The following DYNC1LI2 variants were observed in gnomAD, a reference collection of about 807,000 sequenced individuals.
DYNC1LI2 encodes cytoplasmic dynein 1 light intermediate chain 2.
Under a neutral mutation model 57.8 loss-of-function variants are expected in DYNC1LI2, and 19 were observed. The ratio of observed to expected loss-of-function variants is 0.33; its 90% CI spans 0.23 to 0.48. The LOEUF (loss-of-function observed/expected upper bound fraction) is 0.48, where lower values mean the gene tolerates loss of function less well. Among genes scored for constraint, DYNC1LI2 ranks in the 20% least tolerant of loss-of-function variants. DYNC1LI2 has a pLI of 0.99. For missense variants in DYNC1LI2, 470 were observed against 604.2 expected, an observed-to-expected ratio of 0.78 and a Z score of 2.33; for synonymous variants, 256 against 233.4, an observed-to-expected ratio of 1.10 and a Z score of -0.88.
intron 3 of DYNC1LI2, among the ~76,000 whole-genome samples, chr16:66,748,564 CTT>C (rs757745959): frequency 1.5e-5 from 2 of 132,938 alleles, no homozygotes; most frequent in East Asian, 3.2e-4. Flanking sequence ...ATGGGCATTT[CTT>C]TCATTCTTTC....
At chr16:66,743,047 G>A (rs1009734616) in intron 3 of DYNC1LI2, among the ~76,000 whole-genome samples, 3 of 151,540 alleles carry the variant, frequency 2.0e-5, no homozygotes, top group Non-Finnish European at 4.4e-5. Flanking sequence ...CTGTAATCCC[G>A]GCTACTTAGG....
rs778487216 is a variant in DYNC1LI2, at chr16:66,727,760, G to A, written c.1189C>T (p.Arg397Trp). The A allele has an allele frequency of 1.4e-5, 22 of 1,613,880 alleles. No homozygotes were observed. Among genetic ancestry groups the A allele is most frequent in the Admixed American group, 1.7e-5 (1 of 60,002 alleles). Reference sequence around the variant, plus strand: ...CTAGGCACACTGGCTGGCCCTCCCCGACCCTGGGTCCTTGGAGAGCCAGAG... The same window carrying A: ...CTAGGCACACTGGCTGGCCCTCCCCAACCCTGGGTCCTTGGAGAGCCAGAG... ...GPSGSPRTQG[R>W]GGPASVPSSS... is the part of the protein sequence containing the mutation. Residue 397 changes from arginine (R) to tryptophan (W), a missense_variant, in exon 11 of 13, where the codon CGG becomes TGG. Coordinates refer to ENST00000258198, the MANE Select transcript of DYNC1LI2 (RefSeq NM_006141.3).
At chr16:66,734,529 C>G (rs1330787046) in intron 5 of DYNC1LI2, among the ~76,000 whole-genome samples, 1 of 151,568 alleles carries the variant, frequency 6.6e-6, no homozygotes, top group Non-Finnish European at 1.5e-5. Context: ...ATGTAATAGG[C>G]CTGATCACCT....
At chr16:66,735,420 T>C (rs1383852349) in intron 5 of DYNC1LI2, among the ~76,000 whole-genome samples, 1 of 152,192 alleles carries the variant, frequency 6.6e-6, no homozygotes, top group African/African-American at 2.4e-5. Flanking sequence ...TTTCTATTCC[T>C]ACCTCATCAT....
rs79274627 is a variant in DYNC1LI2, at chr16:66,750,239, G to A, written c.182-926C>T. On this transcript the variant is annotated intron_variant, in intron 2 of 12. Coordinates refer to ENST00000258198, the MANE Select transcript of DYNC1LI2 (RefSeq NM_006141.3). Reference sequence around the variant, plus strand: ...ACTTCTTGAAGATCTCTAAGGGTCCGGTATTACCTACCACAGTCAATTCCT... The same window carrying A: ...ACTTCTTGAAGATCTCTAAGGGTCCAGTATTACCTACCACAGTCAATTCCT... 9.4e-3 allele frequency among the ~76,000 whole-genome samples: 1,426 copies of A among 152,186 alleles called. 25 individuals are homozygous for A. Among genetic ancestry groups the A allele is most frequent in the African/African-American group, 0.033 (1,360 of 41,514 alleles).
At chr16:66,739,384 T>C (rs2144994004) in intron 4 of DYNC1LI2, 1 of 152,372 alleles carries the variant, frequency 6.6e-6, no homozygotes, top group Non-Finnish European at 1.5e-5. Flanking sequence ...AATGACTTAA[T>C]TGTGGCTGCC....
rs2017998448 is a variant in DYNC1LI2 at position 66,749,327 on chromosome 16, T to A, written c.182-14A>T. ...AACCATCTTCACCTACAAAGGATGT[T>A]TGCAAGACAAAGGTGTACTGTTTAT... On this transcript the variant is annotated splice_polypyrimidine_tract_variant and intron_variant, in intron 2 of 12. Coordinates refer to ENST00000258198, the MANE Select transcript of DYNC1LI2 (RefSeq NM_006141.3). The A allele has an allele frequency of 6.2e-7, 1 of 1,612,884 alleles. No individual in the cohort carries two copies. Among genetic ancestry groups the A allele is most frequent in the African/African-American group, 1.3e-5 (1 of 74,888 alleles).
At chr16:66,745,115 G>T (rs1336880702) in intron 3 of DYNC1LI2, among the ~76,000 whole-genome samples, 5 of 151,670 alleles carry the variant, frequency 3.3e-5, no homozygotes, top group African/African-American at 9.7e-5. Flanking sequence ...CACCATGTTG[G>T]CTGGGCTAGT....
intron 2 of DYNC1LI2, among the ~76,000 whole-genome samples, chr16:66,750,864 C>A (rs2018032969): frequency 6.6e-6 from 1 of 152,164 alleles, no homozygotes; most frequent in Non-Finnish European, 1.5e-5. Flanking sequence ...AAACCTCGGA[C>A]TATGCACTAC....
At chr16:66,725,783 A>G (rs201662578) in intron 12 of DYNC1LI2, 45 bp downstream of exon 12, 10 of 1,585,680 alleles carry the variant, frequency 6.3e-6, no homozygotes, top group Non-Finnish European at 8.6e-6. Context: ...TCCTTGCAGC[A>G]CTACTCAACC....
In DYNC1LI2 at chr16:66,734,206, C is replaced by T. The variant is rs1480731395; in HGVS notation, c.793+12G>A. The T allele has an allele frequency of 2.5e-6, 4 of 1,613,810 alleles. No homozygotes were observed. The South Asian group carries it at 3.3e-5, about 13-fold the overall frequency. On this transcript the variant is annotated intron_variant, in intron 6 of 12. Coordinates refer to ENST00000258198, the MANE Select transcript of DYNC1LI2 (RefSeq NM_006141.3). ...CCTGTGACCCAGGCCCCACACAGCG[C>T]CCAAAGGATACACTGAAGGCAGAAC... is the stretch of plus-strand genomic sequence containing the variant.
chr16:66,724,359 C>A lies in DYNC1LI2; in HGVS notation c.1379-537G>T, dbSNP rs143285636. On this transcript the variant is annotated intron_variant, in intron 12 of 12. Coordinates refer to ENST00000258198, the MANE Select transcript of DYNC1LI2 (RefSeq NM_006141.3). ...AGACACGAACAGGCCTAGAAATAGACACCTATTTCCCAGAAGGGAATACTA... is the reference window on the plus strand; with the variant it reads ...AGACACGAACAGGCCTAGAAATAGAAACCTATTTCCCAGAAGGGAATACTA... 6.1e-3 allele frequency among the ~76,000 whole-genome samples: 921 copies of A among 152,168 alleles called. 4 individuals carry two copies. Among genetic ancestry groups the A allele is most frequent in the African/African-American group, 0.021 (851 of 41,506 alleles).
At chr16:66,747,228 G>A (rs146720469) in intron 3 of DYNC1LI2, among the ~76,000 whole-genome samples, 14 of 152,022 alleles carry the variant, frequency 9.2e-5, no homozygotes, top group South Asian at 4.2e-4. Context: ...ACAGGCGTGC[G>A]CCACCATGCC....
intron 8 of DYNC1LI2, among the ~76,000 whole-genome samples, chr16:66,729,529 C>A (rs1436278563): frequency 6.6e-6 from 1 of 151,872 alleles, no homozygotes; most frequent in Admixed American, 6.6e-5. Flanking sequence ...CTCCCCACTA[C>A]CCCCCACAAA....
rs959667069 is a variant in DYNC1LI2, at chr16:66,751,129, C to G, written c.181+144G>C. The G allele has an allele frequency of 2.1e-6, 2 of 944,088 alleles. No homozygotes were observed. The highest frequency in any genetic ancestry group is 3.1e-6 in the Non-Finnish European group (2 of 648,104). The allele number at this position is 944,088 out of a possible 1,614,324, so 58.5% of individuals were successfully genotyped here. A position where few individuals can be genotyped will look rare whatever the true frequency, so the allele number is the denominator to read the frequency against. Reference sequence around the variant, plus strand: ...CAGGCGCTGGAGGCTTGACCACTCTCCAGCTGACCGGCCAGGGCCGACGGT... The same window carrying G: ...CAGGCGCTGGAGGCTTGACCACTCTGCAGCTGACCGGCCAGGGCCGACGGT... On this transcript the variant is annotated intron_variant, in intron 2 of 12. Transcript: ENST00000258198. This position sits in a 1 kb window ranked among gnomAD's most constrained non-coding sequence, Gnocchi z 5.2.
At chr16:66,750,232 A>C in intron 2 of DYNC1LI2, among the ~76,000 whole-genome samples, 1 of 152,164 alleles carries the variant, frequency 6.6e-6, no homozygotes, top group East Asian at 1.9e-4. Context: ...AAGATCTCTA[A>C]GGGTCCGGTA....
chr16:66,737,663 C>A (rs2017759359), intron 4 of DYNC1LI2, among the ~76,000 whole-genome samples: 1 of 152,204 alleles, frequency 6.6e-6, no homozygotes, highest in African/African-American at 2.4e-5. Context: ...TTTTGGGGAT[C>A]CCAAGTCACT....
At chr16:66,734,368 A>C in intron 5 of DYNC1LI2, 57 bp from the exon 6 acceptor site, 1 of 1,515,958 alleles carries the variant, frequency 6.6e-7, no homozygotes, top group African/African-American at 1.4e-5. Flanking sequence ...GACGATGGGA[A>C]CACCTCATTC....
intron 3 of DYNC1LI2, among the ~76,000 whole-genome samples, chr16:66,744,965 T>C (rs1283382395): frequency 2.0e-5 from 3 of 152,206 alleles, no homozygotes; most frequent in Non-Finnish European, 4.4e-5. Flanking sequence ...CAGGTTGGAA[T>C]GCAGTGGTGC....
Sources: allele counts gnomAD v4.1 joint callset (sites outside exome capture counted in the v4.1 genomes callset), GRCh38; gene constraint gnomAD v4.1.1; non-coding constraint Gnocchi (gnomAD v3.1); transcripts MANE v1.5; gene names NCBI Gene and HGNC (gene_info 2026-07-23, HGNC 2026-07-21).